CSMD3: variants seen among roughly 807,000 people sequenced by gnomAD.
The protein encoded by CSMD3 is CUB and Sushi multiple domains 3.
In CSMD3, 177 loss-of-function variants were observed where a neutral mutation model predicts 435.2. The ratio of observed to expected loss-of-function variants is 0.41; its 90% confidence interval spans 0.36 to 0.46. The LOEUF is 0.46. Ranked by LOEUF, CSMD3 falls within the 20% of genes least tolerant of loss-of-function variation. CSMD3 has a pLI of 0.34. For synonymous variants in CSMD3, 1,656 were observed against 1,520.5 expected (o/e 1.09, Z -2.07); for missense variants, 4,265 against 4,504.6 (o/e 0.95, Z 1.52).
In CSMD3 at chr8:113,370,921, T is replaced by C. The variant is rs185193515; in HGVS notation, c.179-56128A>G. 7.9e-5 allele frequency among the ~76,000 whole-genome samples: 12 copies of C among 152,238 alleles called. No individual in the cohort carries two copies. In the East Asian group the frequency reaches 2.3e-3, roughly 29 times the overall value. On this transcript the variant is annotated intron_variant, in intron 1 of 70. Coordinates refer to ENST00000297405, the MANE Select transcript of CSMD3 (RefSeq NM_198123.2). Reference sequence around the variant, plus strand: ...TAAGATTAATAACAAATTATCTTTATTCTAGAGATCTGTCTCAGCGTAATC... The same window carrying C: ...TAAGATTAATAACAAATTATCTTTACTCTAGAGATCTGTCTCAGCGTAATC...
At chr8:113,327,113 A>G (rs894227973) in intron 1 of CSMD3, among the ~76,000 whole-genome samples, 16 of 152,326 alleles carry the variant, frequency 1.1e-4, no homozygotes, top group Middle Eastern at 6.8e-3. Context: ...TTTAAAAACT[A>G]AAGTATTTCA....
chr8:112,534,151 G>A (rs1825818015), intron 27 of CSMD3, among the ~76,000 whole-genome samples: 1 of 152,078 alleles, frequency 6.6e-6, no homozygotes, highest in Admixed American at 6.6e-5. Context: ...AAAGCTAGCA[G>A]AAGGCAAGAA....
At chr8:112,874,346 A>T (rs1219976934) in intron 10 of CSMD3, among the ~76,000 whole-genome samples, 8 of 151,804 alleles carry the variant, frequency 5.3e-5, no homozygotes, top group African/African-American at 1.9e-4. Flanking sequence ...GTCAATTTTA[A>T]AATAAGTGTG....
At chr8:113,181,255 C>A (rs905303374) in intron 3 of CSMD3, among the ~76,000 whole-genome samples, 4 of 151,868 alleles carry the variant, frequency 2.6e-5, no homozygotes, top group Non-Finnish European at 5.9e-5. Flanking sequence ...TTAGATAAGT[C>A]TCAGGGTAAG....
intron 10 of CSMD3, among the ~76,000 whole-genome samples, chr8:112,900,672 T>C (rs1358851403): frequency 6.6e-6 from 1 of 151,286 alleles, no homozygotes; most frequent in African/African-American, 2.4e-5. Context: ...AGACACTTTA[T>C]AGTCCATAAC....
chr8:112,944,565 C>T (rs1348409018), intron 9 of CSMD3, among the ~76,000 whole-genome samples: 1 of 151,742 alleles, frequency 6.6e-6, no homozygotes, highest in African/African-American at 2.4e-5. Context: ...AGTCACCAAG[C>T]TGTAAACTAT....
chr8:113,158,801 T>C (rs1588173259), intron 4 of CSMD3, among the ~76,000 whole-genome samples: 3 of 152,000 alleles, frequency 2.0e-5, no homozygotes, highest in African/African-American at 7.2e-5. Context: ...TATTTATAAA[T>C]ATAAAATTTT....
At chr8:112,302,930 A>T (rs1821078503) in intron 52 of CSMD3, among the ~76,000 whole-genome samples, 1 of 151,638 alleles carries the variant, frequency 6.6e-6, no homozygotes, top group Admixed American at 6.6e-5. Flanking sequence ...CCAGAAAAAA[A>T]ATACTATTTT....
At chr8:112,619,786 CAT>C (rs1188903448) in intron 22 of CSMD3, among the ~76,000 whole-genome samples, 1 of 141,876 alleles carries the variant, frequency 7.0e-6, no homozygotes, top group Non-Finnish European at 1.5e-5. Flanking sequence ...ATCATACAAA[CAT>C]GTTGTATCTT....
intron 35 of CSMD3, among the ~76,000 whole-genome samples, chr8:112,395,928 A>C: frequency 6.6e-6 from 1 of 152,298 alleles, no homozygotes; most frequent in Admixed American, 6.5e-5. Context: ...TATTGTAATT[A>C]AGAAAGGCTT....
chr8:113,247,458 G>A (rs1267529573), intron 3 of CSMD3, among the ~76,000 whole-genome samples: 2 of 152,052 alleles, frequency 1.3e-5, no homozygotes, highest in Non-Finnish European at 2.9e-5. Flanking sequence ...CCAGAAAGTA[G>A]GGCAAGTTAA....
chr8:112,431,649 A>G (rs1327060344), intron 32 of CSMD3, among the ~76,000 whole-genome samples: 1 of 152,118 alleles, frequency 6.6e-6, no homozygotes, highest in Admixed American at 6.6e-5. Context: ...GGCCACCTTG[A>G]GCTGTGAAAT....
At chr8:112,471,658 T>C (rs1818536341) in intron 32 of CSMD3, among the ~76,000 whole-genome samples, 1 of 152,160 alleles carries the variant, frequency 6.6e-6, no homozygotes, top group African/African-American at 2.4e-5. Flanking sequence ...GAAATTGGAC[T>C]GGAAGCATCA....
At chr8:113,168,043 T>C (rs2092187793) in intron 4 of CSMD3, among the ~76,000 whole-genome samples, 1 of 152,068 alleles carries the variant, frequency 6.6e-6, no homozygotes, top group South Asian at 2.1e-4. Context: ...TTTTAATACA[T>C]GGTTCATGAC....
At chr8:112,658,547 T>C (rs1208533251) in intron 17 of CSMD3, among the ~76,000 whole-genome samples, 2 of 152,220 alleles carry the variant, frequency 1.3e-5, no homozygotes, top group Admixed American at 6.5e-5. Context: ...ATTTTACTTC[T>C]AATTTTGTGA....
chr8:112,458,093 C>T (rs1157293310), intron 32 of CSMD3, among the ~76,000 whole-genome samples: 1 of 151,270 alleles, frequency 6.6e-6, no homozygotes, highest in Non-Finnish European at 1.5e-5. Flanking sequence ...TTTATTTTTT[C>T]AATAATAAAA....
chr8:112,291,720 CA>C, intron 55 of CSMD3, 25 bp from the exon 56 acceptor site: 1 of 1,528,742 alleles, frequency 6.5e-7, no homozygotes, highest in Non-Finnish European at 9.1e-7. Flanking sequence ...AATTTTGAAA[CA>C]TATGTTTGGA....
chr8:112,726,961 T>C (rs561907058), intron 13 of CSMD3, among the ~76,000 whole-genome samples: 10 of 151,820 alleles, frequency 6.6e-5, no homozygotes, highest in Non-Finnish European at 1.5e-4. Context: ...TTTCTCAATA[T>C]AGTTCATGAC....
chr8:112,336,323 G>C (rs553369603), intron 44 of CSMD3, among the ~76,000 whole-genome samples: 32 of 152,166 alleles, frequency 2.1e-4, no homozygotes, highest in Non-Finnish European at 7.4e-5. Context: ...AAATTCCACT[G>C]GCTTTTGTAA....
Sources: gnomAD v4.1 joint callset for allele counts (sites outside exome capture counted in the v4.1 genomes callset) on GRCh38, gnomAD v4.1.1 for gene constraint, MANE v1.5 for transcripts, NCBI Gene and HGNC (gene_info 2026-07-23, HGNC 2026-07-21) for gene names.